NXF3: variants seen among roughly 807,000 people sequenced by gnomAD.
The protein encoded by NXF3 is nuclear RNA export factor 3.
Under a neutral mutation model 48.4 loss-of-function variants are expected in NXF3, and 34 were observed. The observed-to-expected ratio is 0.70, with a 90% CI of 0.53 to 0.93. The LOEUF is 0.93. Ranked by LOEUF, NXF3 falls within the 40% of genes least tolerant of loss-of-function variation. The probability of loss-of-function intolerance (pLI) is 0.00; values close to 1 mark genes in which losing one functional copy is unlikely to be tolerated. For missense variants in NXF3, 359 were observed against 406.1 expected (o/e 0.88, Z 1.00); for synonymous variants, 132 against 145.7 (o/e 0.91, Z 0.68).
intron 1 of NXF3, 30 bp from the exon 2 acceptor site, chrX:103,084,913 A>T: frequency 1.7e-6 from 2 of 1,145,629 alleles, no homozygotes; most frequent in Non-Finnish European, 2.4e-6. Flanking sequence ...ATCAACACTT[A>T]GAATACCAGA....
chrX:103,092,941 C>T (rs1922313901), intron 1 of NXF3, 55 bp downstream of exon 1: 1 of 1,127,381 alleles, frequency 8.9e-7, no homozygotes, highest in Non-Finnish European at 1.2e-6. Context: ...GAAGGGGGCT[C>T]AGTCCCTTTT....
rs1413619662 is a variant in NXF3 at position 103,082,509 on chromosome X, G to C, written c.781-145C>G. 6 of 475,335 alleles carry C rather than the reference G, an allele frequency of 1.3e-5. No individual in the cohort carries two copies. In the East Asian group the frequency reaches 2.1e-4, roughly 16 times the overall value. The allele number at this position is 475,335 out of a possible 1,213,427, so 39.2% of individuals were successfully genotyped here. A position where few individuals can be genotyped will look rare whatever the true frequency, so the allele number is the denominator to read the frequency against. ...ACCCTCCTCCCCCTTTTTCTTCAAA[G>C]AACTATCTGAGTATTACACCTCATT... On this transcript the variant is annotated intron_variant, in intron 8 of 19. Coordinates refer to ENST00000395065, the MANE Select transcript of NXF3 (RefSeq NM_022052.2).
At chrX:103,077,384 G>T (rs1921896647) in intron 18 of NXF3, among the ~76,000 whole-genome samples, 1 of 109,490 alleles carries the variant, frequency 9.1e-6, no homozygotes, top group Non-Finnish European at 1.9e-5. Context: ...CCAAGTAGCT[G>T]GGACTACAGG....
At chrX:103,088,848 C>A in intron 1 of NXF3, 2 of 1,162,448 alleles carry the variant, frequency 1.7e-6, no homozygotes, top group South Asian at 1.8e-5. Context: ...TTCTAATCAT[C>A]CACGTAATAA....
Position 103,078,566 on chromosome X carries a change from C to G in NXF3, c.1445G>C (p.Ser482Thr), listed in dbSNP as rs1404907743. The G allele has an allele frequency of 4.1e-6, 5 of 1,210,713 alleles. No homozygotes were observed. Among genetic ancestry groups the G allele is most frequent in the Non-Finnish European group, 5.6e-6 (5 of 895,391 alleles). ...TRTFIATPGS[S>T]SSLCIVNDKL... ...CCCACAACACAGCACTAACCTGGAA[C>G]TGCTGCCAGGGGTAGCAATGAAGGT... The change falls in exon 17 of 20, where the codon AGT becomes ACT. Residue 482 changes from serine (S) to threonine (T), a missense_variant. Coordinates refer to ENST00000395065, the MANE Select transcript of NXF3 (RefSeq NM_022052.2).
chrX:103,080,154 G>C lies in NXF3; in HGVS notation c.990C>G (p.Thr330=), dbSNP rs1442181781. The C allele has an allele frequency of 8.3e-7, 1 of 1,209,223 alleles. No individual in the cohort carries two copies. The highest frequency in any genetic ancestry group is 3.0e-5 in the East Asian group (1 of 33,733). The change falls in exon 11 of 20, where the codon ACC becomes ACG. Residue 330 remains threonine, a synonymous_variant. Transcript: ENST00000395065. ...CTGGATCCTCTCTTCTCACCTTACA[G>C]GTTGGTAACCTCTTGTGGGCTTCAG... is the stretch of plus-strand genomic sequence containing the variant. ...CGTEAHKRLP[T]CKGSFFGSEM...
In NXF3 at chrX:103,079,218, C is replaced by G; in HGVS notation, c.1378+3G>C. 1 of 1,210,492 alleles carries G rather than the reference C, an allele frequency of 8.3e-7. No homozygotes were observed. The highest frequency in any genetic ancestry group is 1.1e-6 in the Non-Finnish European group (1 of 894,267). Reference sequence around the variant, plus strand: ...CTGGGGAAGGGACTCTACAGACACTCACCTTCCTTGAACACCCCGTTGACA... The same window carrying G: ...CTGGGGAAGGGACTCTACAGACACTGACCTTCCTTGAACACCCCGTTGACA... On this transcript the variant is annotated splice_donor_region_variant and intron_variant, in intron 16 of 19. Transcript: ENST00000395065.
chrX:103,092,979 C>A lies in NXF3; in HGVS notation c.28+17G>T, dbSNP rs759213138. 1 of 1,206,956 alleles carries A rather than the reference C, an allele frequency of 8.3e-7. No homozygotes were observed. The highest frequency in any genetic ancestry group is 2.2e-5 in the Admixed American group (1 of 46,008). Reference sequence around the variant, plus strand: ...CCTGTGAGACCTGAGACTCCAGCCTCATGCTGGCCAACTCACCCGTAGTGT... The same window carrying A: ...CCTGTGAGACCTGAGACTCCAGCCTAATGCTGGCCAACTCACCCGTAGTGT... On this transcript the variant is annotated intron_variant, in intron 1 of 19. Coordinates refer to ENST00000395065, the MANE Select transcript of NXF3 (RefSeq NM_022052.2).
At chrX:103,082,903 A>G in intron 7 of NXF3, 55 bp from the exon 8 acceptor site, 1 of 1,143,922 alleles carries the variant, frequency 8.7e-7, no homozygotes, top group South Asian at 1.8e-5. Flanking sequence ...CGCCTGGTAC[A>G]GCATCAGCAC....
intron 1 of NXF3, chrX:103,089,226 C>A (rs1198435423): frequency 5.0e-6 from 3 of 601,135 alleles, no homozygotes; most frequent in African/African-American, 2.2e-5. Context: ...TCAACTTACT[C>A]AATTTAAAGA....
intron 17 of NXF3, 133 bp from the exon 18 acceptor site, chrX:103,077,879 CTGG>C (rs1216316754): frequency 1.4e-6 from 1 of 707,748 alleles, no homozygotes; most frequent in Non-Finnish European, 2.1e-6. Flanking sequence ...AGCTTTTTGG[CTGG>C]TACCCTCTAA....
At position 103,084,277 on chromosome X, in the gene NXF3, C is replaced by G. The variant is rs1922089771; in HGVS notation, c.351+65G>C. On this transcript the variant is annotated intron_variant, in intron 3 of 19. Transcript: ENST00000395065. ...CTTACAAAAGTATCTAGTGTCCACA[C>G]AAATCCAACACAATTCCCCCTGTTC... The G allele has an allele frequency of 2.6e-6, 3 of 1,164,977 alleles. No individual in the cohort carries two copies. The African/African-American group carries it at 5.3e-5, about 21-fold the overall frequency.
In NXF3 at chrX:103,083,518, C is replaced by A. The variant is rs1922071969; in HGVS notation, c.436-16G>T. 1 of 1,189,817 alleles carries A rather than the reference C, an allele frequency of 8.4e-7. No individual in the cohort carries two copies. The highest frequency in any genetic ancestry group is 1.7e-5 in the African/African-American group (1 of 57,444). On this transcript the variant is annotated splice_polypyrimidine_tract_variant and intron_variant, in intron 4 of 19. Transcript: ENST00000395065. ...CATAGTGAAACTATAGGGAGAGTTG[C>A]AAGAGAAATGAAATATGAGGCCAGA...
intron 1 of NXF3, chrX:103,088,575 A>T: frequency 9.3e-7 from 1 of 1,077,512 alleles, no homozygotes; most frequent in South Asian, 2.0e-5. Flanking sequence ...GAGGTACTTC[A>T]GTGTGGTTTT....
chrX:103,089,346 T>C (rs1922224579), intron 1 of NXF3: 2 of 346,130 alleles, frequency 5.8e-6, no homozygotes, highest in Non-Finnish European at 9.9e-6. Context: ...TTATTTAAAA[T>C]GCGTTTTTAT....
rs375878902 is a variant in NXF3 at position 103,077,628 on chromosome X, C to T, written c.1570G>A (p.Glu524Lys). Residue 524 changes from glutamate to lysine, a missense_variant, in exon 18 of 20, where the codon GAG becomes AAG. Coordinates refer to ENST00000395065, the MANE Select transcript of NXF3 (RefSeq NM_022052.2). The part of the protein sequence containing the change: ...FSSSVPAFSQ[E>K]QQKMLPS ...AAAACCTGTACCATTTTCTGCTGCT[C>T]CTGGGAGAAGGCAGGCACGGAGCTG... The T allele has an allele frequency of 4.1e-6, 5 of 1,211,133 alleles. No homozygotes were observed. Among genetic ancestry groups the T allele is most frequent in the African/African-American group, 1.7e-5 (1 of 57,735 alleles).
chrX:103,083,308 A>G (rs1197364083), intron 5 of NXF3, 35 bp from the exon 6 acceptor site: 14 of 1,182,986 alleles, frequency 1.2e-5, no homozygotes, highest in Non-Finnish European at 1.6e-5. Flanking sequence ...AGTAAACACT[A>G]GGAACTCTGA....
intron 1 of NXF3, among the ~76,000 whole-genome samples, chrX:103,091,447 T>C (rs965477213): frequency 1.1e-4 from 12 of 111,324 alleles, no homozygotes; most frequent in African/African-American, 3.9e-4. Context: ...TAAATAGCAT[T>C]TACATTCCAT....
At chrX:103,080,643 G>T (rs1472508639) in intron 9 of NXF3, 31 bp from the exon 10 acceptor site, 1 of 1,197,022 alleles carries the variant, frequency 8.4e-7, no homozygotes, top group Non-Finnish European at 1.1e-6. Context: ...ATGGACAACG[G>T]TAAGTGAAAC....
Sources: gnomAD v4.1 joint callset for allele counts (sites outside exome capture counted in the v4.1 genomes callset) on GRCh38, gnomAD v4.1.1 for gene constraint, MANE v1.5 for transcripts, NCBI Gene and HGNC (gene_info 2026-07-23, HGNC 2026-07-21) for gene names.